The following TGFBR3 variants were observed in gnomAD, a reference collection of about 807,000 sequenced individuals.
TGFBR3 encodes transforming growth factor beta receptor 3, also known as transforming growth factor beta receptor type 3.
TGFBR3 carries 46 observed loss-of-function variants against 87.9 expected under a neutral mutation model. That is an observed-to-expected ratio of 0.52 (90% CI 0.41 to 0.67). The LOEUF (loss-of-function observed/expected upper bound fraction) is 0.67, where lower values mean the gene tolerates loss of function less well. Among genes scored for constraint, TGFBR3 ranks in the 30% least tolerant of loss-of-function variants. The pLI is 0.00. For missense variants in TGFBR3, 866 were observed against 1,041.9 expected (o/e 0.83, Z 2.32); for synonymous variants, 381 against 391.6 (o/e 0.97, Z 0.32).
chr1:91,875,262 G>C (rs1678737339), intron 1 of TGFBR3, among the ~76,000 whole-genome samples: 3 of 152,186 alleles, frequency 2.0e-5, no homozygotes, highest in Admixed American at 2.0e-4. Context: ...GCAGCAGTGA[G>C]AGCCTGGAAG....
chr1:91,758,075 T>C (rs1337974907), intron 4 of TGFBR3, among the ~76,000 whole-genome samples: 1 of 152,214 alleles, frequency 6.6e-6, no homozygotes, highest in Non-Finnish European at 1.5e-5. Context: ...GATTTACAAA[T>C]AGTAGGTAAT....
chr1:91,727,041 T>C (rs1430507319), intron 7 of TGFBR3, among the ~76,000 whole-genome samples: 3 of 152,334 alleles, frequency 2.0e-5, no homozygotes, highest in East Asian at 3.9e-4. Context: ...CTCTATTAAA[T>C]AGAGGGCCTT....
chr1:91,889,734 GCGCGATCTCAGCT>G (rs1476387734), upstream of TGFBR3, among the ~76,000 whole-genome samples: 1 of 152,038 alleles, frequency 6.6e-6, no homozygotes, highest in African/African-American at 2.4e-5. Context: ...GAGTGCAGCA[GCGCGATCTCAGCT>G]CACTGCAACC....
At chr1:91,819,238 T>C (rs767974817) in intron 2 of TGFBR3, among the ~76,000 whole-genome samples, 4 of 151,988 alleles carry the variant, frequency 2.6e-5, no homozygotes, top group Non-Finnish European at 4.4e-5. Flanking sequence ...CATGGTGGCA[T>C]GCGCCTGTAA....
intron 5 of TGFBR3, among the ~76,000 whole-genome samples, chr1:91,731,315 C>G (rs1276978929): frequency 6.6e-6 from 1 of 152,162 alleles, no homozygotes; most frequent in Non-Finnish European, 1.5e-5. Flanking sequence ...GCAGCACACA[C>G]TGGGGCATCA....
chr1:91,856,749 T>A (rs1677970463), intron 2 of TGFBR3, among the ~76,000 whole-genome samples: 1 of 152,224 alleles, frequency 6.6e-6, no homozygotes, highest in Non-Finnish European at 1.5e-5. Flanking sequence ...GACCTGTGTC[T>A]GTCTCTTCTG....
Position 91,743,625 on chromosome 1 carries a change from T to C in TGFBR3, c.385-8666A>G, listed in dbSNP as rs756940828. The stretch of plus-strand genomic sequence containing the variant: ...AAGGTTCCTTCAGAGGCTGGGATCT[T>C]AGTGTGCATTGTCCATGGGTATACC... On this transcript the variant is annotated intron_variant, in intron 4 of 16. Coordinates refer to ENST00000212355, the MANE Select transcript of TGFBR3 (RefSeq NM_003243.5). Among the ~76,000 whole-genome samples, 8 of 152,234 alleles carry C rather than the reference T, an allele frequency of 5.3e-5. No homozygotes were observed. The South Asian group carries it at 1.0e-3, about 20-fold the overall frequency.
intron 2 of TGFBR3, among the ~76,000 whole-genome samples, chr1:91,832,833 T>C (rs372114546): frequency 3.3e-5 from 5 of 151,642 alleles, no homozygotes; most frequent in Admixed American, 1.3e-4. Context: ...CGAAACCCTG[T>C]CTCTATTAAA....
Position 91,681,252 on chromosome 1 carries a change from TC to T in TGFBR3, c.*2486del, listed in dbSNP as rs1319987628. On this transcript the variant is annotated 3_prime_UTR_variant, in exon 17 of 17. Coordinates refer to ENST00000212355, the MANE Select transcript of TGFBR3 (RefSeq NM_003243.5). ...CTAGGGAGAAAATACCTTATTTTTT[TC>T]ATGTTCATTTTTTAGAAACATTTCA... 1.1e-5 allele frequency: 5 copies of T among 442,052 alleles called. No homozygotes were observed. The highest frequency in any genetic ancestry group is 1.8e-5 in the Non-Finnish European group (4 of 222,580). 27.4% of individuals were successfully genotyped at this position (442,052 alleles called of 1,614,324 possible).
intron 8 of TGFBR3, among the ~76,000 whole-genome samples, 155 bp from the exon 9 acceptor site, chr1:91,720,385 T>C (rs1672324515): frequency 6.6e-6 from 1 of 152,216 alleles, no homozygotes; most frequent in South Asian, 2.1e-4. Context: ...TCTAGAAGCC[T>C]GAATTCTAGT....
intron 3 of TGFBR3, among the ~76,000 whole-genome samples, chr1:91,783,599 G>T (rs766116570): frequency 6.6e-6 from 1 of 152,184 alleles, no homozygotes; most frequent in Non-Finnish European, 1.5e-5. Flanking sequence ...TCTTCTGGCC[G>T]ACACACAACT....
intron 3 of TGFBR3, among the ~76,000 whole-genome samples, chr1:91,768,042 G>A (rs539537677): frequency 6.6e-6 from 1 of 152,028 alleles, no homozygotes; most frequent in South Asian, 2.1e-4. Context: ...GAGAAACCCC[G>A]TCTCTATTAA....
chr1:91,696,012 CAACA>C (rs1408987428), intron 15 of TGFBR3, among the ~76,000 whole-genome samples: 1 of 152,126 alleles, frequency 6.6e-6, no homozygotes, highest in African/African-American at 2.4e-5. Flanking sequence ...TTATTTTGAT[CAACA>C]AACTAACTAA....
chr1:91,899,163 A>G (rs1232305614), intron 2 of TGFBR3, among the ~76,000 whole-genome samples: 1 of 152,166 alleles, frequency 6.6e-6, no homozygotes, highest in Middle Eastern at 3.2e-3. Context: ...CCCCCAAAAT[A>G]AGAATGTGAG....
chr1:91,752,744 C>T (rs991254968), intron 4 of TGFBR3, among the ~76,000 whole-genome samples: 5 of 151,814 alleles, frequency 3.3e-5, no homozygotes, highest in African/African-American at 7.3e-5. Context: ...AATTAGAGGC[C>T]GGGCATAGTG....
chr1:91,884,672 T>C (rs768230944), intron 1 of TGFBR3, among the ~76,000 whole-genome samples: 17 of 152,184 alleles, frequency 1.1e-4, no homozygotes, highest in Admixed American at 2.6e-4. Flanking sequence ...ATCTGTAAAA[T>C]AGGGTTATTA....
chr1:91,745,015 CGT>C (rs544049663), intron 4 of TGFBR3, among the ~76,000 whole-genome samples: 638 of 5,258 alleles, frequency 0.12, 5 homozygotes, highest in Non-Finnish European at 0.19. Flanking sequence ...CAAACGCACG[CGT>C]ACACACACAC....
chr1:91,890,885 AAG>A (rs1271564209), upstream of TGFBR3, among the ~76,000 whole-genome samples: 1 of 149,354 alleles, frequency 6.7e-6, no homozygotes, highest in Non-Finnish European at 1.5e-5. Flanking sequence ...TACTCATAAA[AAG>A]AGAGTCTCAT....
At chr1:91,839,500 A>C (rs1006753831) in intron 2 of TGFBR3, among the ~76,000 whole-genome samples, 1 of 152,024 alleles carries the variant, frequency 6.6e-6, no homozygotes, top group Non-Finnish European at 1.5e-5. Context: ...GGCAGACATC[A>C]CTCTAGCCAA....
Sources: allele counts gnomAD v4.1 joint callset (sites outside exome capture counted in the v4.1 genomes callset), GRCh38; gene constraint gnomAD v4.1.1; transcripts MANE v1.5; gene names NCBI Gene and HGNC (gene_info 2026-07-23, HGNC 2026-07-21).